The following PITPNA variants were observed in gnomAD, a reference collection of about 807,000 sequenced individuals.
The protein encoded by PITPNA is phosphatidylinositol transfer protein alpha, also known as phosphatidylinositol transfer protein alpha isoform.
A neutral mutation model predicts 50.3 loss-of-function variants in PITPNA; 13 were observed. That is an observed-to-expected ratio of 0.26 (90% CI 0.17 to 0.41). The LOEUF (loss-of-function observed/expected upper bound fraction) is 0.41. Among genes scored for constraint, PITPNA ranks in the 10% least tolerant of loss-of-function variants. PITPNA has a pLI of 1.00. For synonymous variants in PITPNA, 120 were observed against 119.6 expected (o/e 1.00, Z -0.02); for missense variants, 207 against 333.4 (o/e 0.62, Z 2.95).
At chr17:1,560,662 A>C (rs1182427414) in intron 1 of PITPNA, among the ~76,000 whole-genome samples, 5 of 152,176 alleles carry the variant, frequency 3.3e-5, no homozygotes, top group Admixed American at 3.3e-4. Context: ...TTCATTTGGG[A>C]ACAGGAAAAA....
Position 1,535,217 on chromosome 17 carries a change from CCCA to C in PITPNA, c.607_609del (p.Trp203del). 3 of 1,613,682 alleles carry C rather than the reference CCCA, an allele frequency of 1.9e-6. No homozygotes were observed. Among genetic ancestry groups the C allele is most frequent in the Non-Finnish European group, 2.5e-6 (3 of 1,179,568 alleles). Reference sequence around the variant, plus strand: ...AAGTTCTCCACTTTGTTCTGCAGGCCCCACCACTTGAACTTGACGGTCACCAGT... The same window carrying C: ...AAGTTCTCCACTTTGTTCTGCAGGCCCCACTTGAACTTGACGGTCACCAGT... On this transcript the variant is annotated inframe_deletion, in exon 9 of 12. Coordinates refer to ENST00000313486, the MANE Select transcript of PITPNA (RefSeq NM_006224.4).
chr17:1,558,629 T>A (rs2075751388), intron 1 of PITPNA, 70 bp from the exon 2 acceptor site: 10 of 1,080,138 alleles, frequency 9.3e-6, no homozygotes, highest in Non-Finnish European at 1.3e-5. Flanking sequence ...TAAAGCATCA[T>A]CCTAAAACAG....
intron 1 of PITPNA, chr17:1,559,914 A>G: frequency 6.5e-6 from 2 of 306,604 alleles, no homozygotes; most frequent in Non-Finnish European, 4.8e-6. Context: ...CCCATTACAG[A>G]AAGCCAGTGG....
At chr17:1,556,063 A>C (rs1313810689) in intron 2 of PITPNA, among the ~76,000 whole-genome samples, 1 of 152,234 alleles carries the variant, frequency 6.6e-6, no homozygotes, top group African/African-American at 2.4e-5. Flanking sequence ...ACCAGTCACA[A>C]GATGCTGAGC....
chr17:1,555,967 C>T (rs937107991), intron 2 of PITPNA, among the ~76,000 whole-genome samples: 2 of 152,206 alleles, frequency 1.3e-5, no homozygotes, highest in African/African-American at 2.4e-5. Flanking sequence ...AAAGGCATGA[C>T]CTTCTCTTTC....
intron 3 of PITPNA, among the ~76,000 whole-genome samples, chr17:1,551,350 G>A (rs868755755): frequency 2.6e-5 from 4 of 150,980 alleles, no homozygotes; most frequent in African/African-American, 9.8e-5. Flanking sequence ...GGAGTGCAGT[G>A]GCGTGACCAT....
Position 1,553,281 on chromosome 17 carries a change from C to T in PITPNA, c.52-132G>A, listed in dbSNP as rs1304728785. ...TGCAGGAGCTGGTTCTGGAGTTTCA[C>T]ATCAGGCCTTGCCCAAACCCACCCA... On this transcript the variant is annotated intron_variant, in intron 2 of 11. Transcript: ENST00000313486. 4.0e-6 allele frequency: 4 copies of T among 998,486 alleles called. No individual in the cohort carries two copies. In the East Asian group the frequency reaches 1.0e-4, roughly 25 times the overall value. 61.9% of individuals were successfully genotyped at this position (998,486 alleles called of 1,614,324 possible). A position where few individuals can be genotyped will look rare whatever the true frequency, so the allele number is the denominator to read the frequency against.
At chr17:1,537,795 A>G (rs1305194619) in intron 7 of PITPNA, among the ~76,000 whole-genome samples, 1 of 150,496 alleles carries the variant, frequency 6.6e-6, no homozygotes, top group Non-Finnish European at 1.5e-5. Flanking sequence ...ACAAATCAAA[A>G]TAACTTTGTG....
At chr17:1,526,373 C>G (rs761716314) in intron 10 of PITPNA, among the ~76,000 whole-genome samples, 5 of 152,178 alleles carry the variant, frequency 3.3e-5, no homozygotes, top group Non-Finnish European at 7.3e-5. Context: ...GGGTGAAGCG[C>G]GTGATTCTGG....
At chr17:1,522,475 C>T (rs891269338) in intron 10 of PITPNA, among the ~76,000 whole-genome samples, 6 of 152,146 alleles carry the variant, frequency 3.9e-5, no homozygotes, top group African/African-American at 7.2e-5. Flanking sequence ...TGGATTCAAG[C>T]GATTGTCCTG....
Position 1,562,288 on chromosome 17 carries a change from C to T in PITPNA, c.20+253G>A, listed in dbSNP as rs1436680862. ...TGCCCCGTGGGCCCCGGCTCAGATGCCGAACGCCCCGGCTGCCCCTCCACG... is the reference window on the plus strand; with the variant it reads ...TGCCCCGTGGGCCCCGGCTCAGATGTCGAACGCCCCGGCTGCCCCTCCACG... On this transcript the variant is annotated intron_variant, in intron 1 of 11. Transcript: ENST00000313486. This position sits in a 1 kb window ranked among gnomAD's most constrained non-coding sequence, Gnocchi z 6.4. 6.6e-6 allele frequency among the ~76,000 whole-genome samples: 1 copy of T among 151,688 alleles called. No individual in the cohort carries two copies. The highest frequency in any genetic ancestry group is 2.4e-5 in the African/African-American group (1 of 41,310).
intron 10 of PITPNA, among the ~76,000 whole-genome samples, chr17:1,526,603 G>T (rs1311986988): frequency 6.6e-6 from 1 of 152,176 alleles, no homozygotes; most frequent in Non-Finnish European, 1.5e-5. Flanking sequence ...CCTTACACAT[G>T]CTGAGAGTTC....
rs1229361283 is a variant in PITPNA at position 1,519,299 on chromosome 17, T to G, written c.*1262A>C. 1 of 152,234 alleles carries G rather than the reference T, an allele frequency of 6.6e-6. No homozygotes were observed. The highest frequency in any genetic ancestry group is 6.5e-5 in the Admixed American group (1 of 15,278). 9.4% of individuals were successfully genotyped at this position (152,234 alleles called of 1,614,324 possible). On this transcript the variant is annotated 3_prime_UTR_variant, in exon 12 of 12. Coordinates refer to ENST00000313486, the MANE Select transcript of PITPNA (RefSeq NM_006224.4). ...GGAATGTCAGGTGACACTACAGCTC[T>G]CTCTCATTCTCCCACTAAGAGGCAA...
At chr17:1,539,617 T>C (rs1454615507) in intron 6 of PITPNA, among the ~76,000 whole-genome samples, 3 of 150,984 alleles carry the variant, frequency 2.0e-5, no homozygotes, top group Non-Finnish European at 4.4e-5. Flanking sequence ...CACAGCCTCC[T>C]GAGGAGCTGG....
chr17:1,558,492 T>A (rs1156449027), intron 2 of PITPNA, 37 bp downstream of exon 2: 1 of 1,436,734 alleles, frequency 7.0e-7, no homozygotes, highest in Non-Finnish European at 9.8e-7. Flanking sequence ...CACAAACAGT[T>A]ACACACAACT....
At chr17:1,537,056 G>A (rs1006287063) in intron 7 of PITPNA, among the ~76,000 whole-genome samples, 3 of 150,938 alleles carry the variant, frequency 2.0e-5, no homozygotes, top group East Asian at 3.9e-4. Flanking sequence ...GCGCCACCAC[G>A]CCCAGCTAAT....
At chr17:1,535,629 G>A (rs1033000556) in intron 7 of PITPNA, 111 bp from the exon 8 acceptor site, 11 of 736,530 alleles carry the variant, frequency 1.5e-5, no homozygotes, top group Non-Finnish European at 2.7e-5. Flanking sequence ...GATGCTGATG[G>A]CACAAAGCAA....
intron 10 of PITPNA, among the ~76,000 whole-genome samples, chr17:1,523,527 GAC>G (rs1307208048): frequency 9.1e-6 from 1 of 110,004 alleles, no homozygotes; most frequent in Admixed American, 9.4e-5. Flanking sequence ...TTTTTTTTGA[GAC>G]ACAGTCTCTC....
chr17:1,540,620 G>A (rs1321814346), intron 6 of PITPNA, among the ~76,000 whole-genome samples: 1 of 148,428 alleles, frequency 6.7e-6, no homozygotes, highest in East Asian at 1.9e-4. Context: ...ACAGTGTCTC[G>A]CTCTGTCACC....
Sources: gnomAD v4.1 joint callset for allele counts (sites outside exome capture counted in the v4.1 genomes callset) on GRCh38, gnomAD v4.1.1 for gene constraint, Gnocchi (gnomAD v3.1) non-coding constraint, MANE v1.5 for transcripts, NCBI Gene and HGNC (gene_info 2026-07-23, HGNC 2026-07-21) for gene names.